Variants in RBFOX3 observed in about 807,000 individuals in gnomAD.
The protein encoded by RBFOX3 is RNA binding fox-1 homolog 3, also known as RNA binding protein fox-1 homolog 3.
A neutral mutation model predicts 48.7 loss-of-function variants in RBFOX3; 17 were observed. The ratio of observed to expected loss-of-function variants is 0.35; its 90% CI spans 0.24 to 0.52. The LOEUF is 0.52. RBFOX3 is among the 20% of genes least tolerant of loss of function. The pLI is 0.94. For synonymous variants in RBFOX3, 212 were observed against 209.5 expected (o/e 1.01, Z -0.10); for missense variants, 382 against 497.5 (o/e 0.77, Z 2.21).
intron 14 of RBFOX3, among the ~76,000 whole-genome samples, 179 bp from the exon 15 acceptor site, chr17:79,091,064 G>A (rs62063827): frequency 8.5e-5 from 13 of 152,210 alleles, no homozygotes; most frequent in Non-Finnish European, 1.6e-4. Flanking sequence ...ATCCCAGGAT[G>A]GGGCCCAGGC....
At chr17:79,157,564 G>C (rs943486510) in intron 4 of RBFOX3, among the ~76,000 whole-genome samples, 2 of 152,196 alleles carry the variant, frequency 1.3e-5, no homozygotes, top group African/African-American at 4.8e-5. Context: ...GAGGACCCGG[G>C]GGTGAGGTTG....
chr17:79,256,591 C>G (rs1478070081), intron 3 of RBFOX3, among the ~76,000 whole-genome samples: 1 of 152,144 alleles, frequency 6.6e-6, no homozygotes, highest in African/African-American at 2.4e-5. Flanking sequence ...AGGTGGAAGA[C>G]ACTGTGTCAT....
At position 79,610,607 on chromosome 17, in the gene RBFOX3, C is replaced by T. The variant is rs1290296273; in HGVS notation, c.-320+219G>A. On this transcript the variant is annotated intron_variant, in intron 1 of 14. Transcript: ENST00000693108. Reference sequence around the variant, plus strand: ...GGACAGAGCGTCCAGACCCCAGCCCCGGAGGGACCCAGGGACCCCGACCCC... The same window carrying T: ...GGACAGAGCGTCCAGACCCCAGCCCTGGAGGGACCCAGGGACCCCGACCCC... Among the ~76,000 whole-genome samples the T allele has an allele frequency of 2.0e-5, 3 of 152,114 alleles. No individual in the cohort carries two copies. The East Asian group carries it at 5.9e-4, about 30-fold the overall frequency.
chr17:79,566,916 A>G (rs2144400227), intron 1 of RBFOX3, among the ~76,000 whole-genome samples: 1 of 152,358 alleles, frequency 6.6e-6, no homozygotes, highest in South Asian at 2.1e-4. Context: ...GTTCTTAAGC[A>G]AATTACCTGG....
chr17:79,498,066 CT>C, intron 1 of RBFOX3, among the ~76,000 whole-genome samples: 1 of 152,348 alleles, frequency 6.6e-6, no homozygotes, highest in Non-Finnish European at 1.5e-5. Flanking sequence ...AGATTTACCT[CT>C]TTGGCAAGAG....
Position 79,202,572 on chromosome 17 carries a change from C to T in RBFOX3, c.-34+33194G>A, listed in dbSNP as rs191575591. Among the ~76,000 whole-genome samples the T allele has an allele frequency of 3.5e-4, 54 of 152,354 alleles. No homozygotes were observed. In the East Asian group the frequency reaches 7.5e-3, roughly 21 times the overall value. On this transcript the variant is annotated intron_variant, in intron 4 of 14. Coordinates refer to ENST00000693108, the MANE Select transcript of RBFOX3 (RefSeq NM_001350451.2). ...GTTATGACTATGTCAGTGTTACATC[C>T]GGGAAGAGCGAGGCCCAGGCCAGGG... is the stretch of plus-strand genomic sequence containing the variant.
chr17:79,149,348 G>A (rs111266688), intron 4 of RBFOX3, among the ~76,000 whole-genome samples: 3,116 of 152,266 alleles, frequency 0.02, 104 homozygotes, highest in African/African-American at 0.069. Flanking sequence ...GGGGGAGTGG[G>A]GGCACGGGGG....
chr17:79,526,814 C>T (rs965241515), intron 1 of RBFOX3, among the ~76,000 whole-genome samples: 15 of 152,218 alleles, frequency 9.9e-5, no homozygotes, highest in Non-Finnish European at 1.9e-4. Flanking sequence ...TGCACCTTCC[C>T]GTTATACCCA....
intron 3 of RBFOX3, among the ~76,000 whole-genome samples, chr17:79,265,966 T>C (rs982943234): frequency 5.3e-5 from 8 of 152,208 alleles, no homozygotes; most frequent in Non-Finnish European, 1.0e-4. Flanking sequence ...GGAATTTAAA[T>C]TTATACAAAC....
intron 2 of RBFOX3, among the ~76,000 whole-genome samples, chr17:79,373,953 G>A (rs1176347937): frequency 6.6e-6 from 1 of 152,140 alleles, no homozygotes; most frequent in Non-Finnish European, 1.5e-5. Flanking sequence ...CCGTCTCCAG[G>A]GTTCAAGCGA....
At chr17:79,659,710 A>G in the RBFOX3 span, among the ~76,000 whole-genome samples, 2 of 152,188 alleles carry the variant, frequency 1.3e-5, no homozygotes, top group Non-Finnish European at 2.9e-5. Flanking sequence ...AAAATAATAC[A>G]TATGCTCAAA....
chr17:79,549,630 G>A (rs902885962), intron 1 of RBFOX3, among the ~76,000 whole-genome samples: 25 of 152,374 alleles, frequency 1.6e-4, no homozygotes, highest in African/African-American at 5.8e-4. Flanking sequence ...GGGGCCCTCA[G>A]TGGGGCAGGC....
intron 1 of RBFOX3, among the ~76,000 whole-genome samples, chr17:79,496,545 G>A (rs2081566189): frequency 6.6e-6 from 1 of 152,198 alleles, no homozygotes; most frequent in South Asian, 2.1e-4. Context: ...TGCTGTGGGG[G>A]AATTCTAGCC....
intron 2 of RBFOX3, among the ~76,000 whole-genome samples, chr17:79,474,568 TG>T (rs1462730064): frequency 3.3e-5 from 5 of 152,216 alleles, no homozygotes; most frequent in Admixed American, 2.6e-4. Context: ...GAGCAAAGTC[TG>T]TGCAGAAGGT....
At chr17:79,545,758 C>T (rs1439223845) in intron 1 of RBFOX3, among the ~76,000 whole-genome samples, 1 of 152,336 alleles carries the variant, frequency 6.6e-6, no homozygotes, top group Non-Finnish European at 1.5e-5. Flanking sequence ...TGTCCTGAGC[C>T]TTCACCACCC....
rs185559735 is a variant in RBFOX3, at chr17:79,297,023, C to G, written c.-74+10701G>C. On this transcript the variant is annotated intron_variant, in intron 3 of 14. Coordinates refer to ENST00000693108, the MANE Select transcript of RBFOX3 (RefSeq NM_001350451.2). ...TCTTCTTTCTCCTCCTGCCCCTCCT[C>G]TCCCCAGCAGCTCTGGCTTTTTCCT... is the stretch of plus-strand genomic sequence containing the variant. 2.6e-5 allele frequency among the ~76,000 whole-genome samples: 4 copies of G among 150,966 alleles called. No homozygotes were observed. The East Asian group carries it at 7.8e-4, about 30-fold the overall frequency.
chr17:79,406,292 G>A (rs975487165), intron 2 of RBFOX3, among the ~76,000 whole-genome samples: 1 of 152,174 alleles, frequency 6.6e-6, no homozygotes, highest in Non-Finnish European at 1.5e-5. Flanking sequence ...CCTAGGGATG[G>A]GGTCGGCTCA....
chr17:79,403,839 G>A (rs2063162265), intron 2 of RBFOX3, among the ~76,000 whole-genome samples: 4 of 144,494 alleles, frequency 2.8e-5, no homozygotes, highest in African/African-American at 7.6e-5. Context: ...GAGTACAGTG[G>A]CGCGATCTCG....
Position 79,097,179 on chromosome 17 carries a change from C to CG in RBFOX3, c.755+112_755+113insC, listed in dbSNP as rs1334246230. 20 of 892,118 alleles carry CG rather than the reference C, an allele frequency of 2.2e-5. 1 individual carries two copies. The highest frequency in any genetic ancestry group is 2.8e-5 in the Non-Finnish European group (17 of 606,382). 55.3% of individuals were successfully genotyped at this position (892,118 alleles called of 1,614,324 possible). On this transcript the variant is annotated intron_variant, in intron 11 of 14. Coordinates refer to ENST00000693108, the MANE Select transcript of RBFOX3 (RefSeq NM_001350451.2). ...TCTGGGGCTCCCACGATCCTCCCCC[C>CG]CCCCAGGTCTGGAAAGGCTGCCTAG... is the stretch of plus-strand genomic sequence containing the variant.
Sources: gnomAD v4.1 joint callset for allele counts (sites outside exome capture counted in the v4.1 genomes callset) on GRCh38, gnomAD v4.1.1 for gene constraint, MANE v1.5 for transcripts, NCBI Gene and HGNC (gene_info 2026-07-23, HGNC 2026-07-21) for gene names.